Variants in COPG2 observed in about 807,000 individuals in gnomAD.
COPG2 encodes coat protein complex I subunit gamma 2.
A neutral mutation model predicts 46.3 loss-of-function variants in COPG2; 37 were observed. The ratio of observed to expected loss-of-function variants is 0.80; its 90% CI spans 0.61 to 1.05. COPG2 has a LOEUF of 1.05. COPG2 is among the 50% of genes least tolerant of loss of function. The pLI is 0.00. For synonymous variants in COPG2, 159 were observed against 129.7 expected (o/e 1.23, Z -1.53); for missense variants, 427 against 387.8 (o/e 1.10, Z -0.85).
rs1334458609 is a variant in COPG2 at position 130,506,483 on chromosome 7, A to C, written c.*193T>G. The C allele has an allele frequency of 2.5e-6, 1 of 392,268 alleles. No homozygotes were observed. Among genetic ancestry groups the C allele is most frequent in the African/African-American group, 2.2e-5 (1 of 45,818 alleles). The allele number at this position is 392,268 out of a possible 1,614,324, so 24.3% of individuals were successfully genotyped here. Reference sequence around the variant, plus strand: ...CCCAAAGCTGACCAAGTAGAATAAAAAGAAAAAAAAAAAAAAACAACCCAT... The same window carrying C: ...CCCAAAGCTGACCAAGTAGAATAAACAGAAAAAAAAAAAAAAACAACCCAT... On this transcript the variant is annotated 3_prime_UTR_variant, in exon 24 of 24. Transcript: ENST00000425248.
At chr7:130,523,139 G>T (rs1253822769) in intron 20 of COPG2, among the ~76,000 whole-genome samples, 1 of 19,910 alleles carries the variant, frequency 5.0e-5, no homozygotes. Flanking sequence ...AAAAAAGAAG[G>T]CTCCAGGCCT....
chr7:130,631,319 G>GT (rs1795226894), intron 5 of COPG2, among the ~76,000 whole-genome samples: 1 of 151,752 alleles, frequency 6.6e-6, no homozygotes, highest in African/African-American at 2.4e-5. Context: ...CATCACACCT[G>GT]GCTAATTTTT....
chr7:130,611,799 C>T (rs1794854354), intron 8 of COPG2, among the ~76,000 whole-genome samples: 1 of 152,118 alleles, frequency 6.6e-6, no homozygotes, highest in Non-Finnish European at 1.5e-5. Context: ...AAAAGCTGCT[C>T]CGTATGATTT....
Position 130,611,715 on chromosome 7 carries a change from A to G in COPG2, c.579+437T>C, listed in dbSNP as rs986691654. 4.0e-4 allele frequency among the ~76,000 whole-genome samples: 61 copies of G among 152,344 alleles called. 1 individual carries two copies. Among genetic ancestry groups the G allele is most frequent in the African/African-American group, 1.4e-3 (57 of 41,580 alleles). ...AATTTCCAGTGAAGAATTTAATCTT[A>G]TTCCTCTTAAGAATAACCTAATAAA... On this transcript the variant is annotated intron_variant, in intron 8 of 23. Transcript: ENST00000425248.
chr7:130,654,010 C>CA (rs1193686171), intron 4 of COPG2, among the ~76,000 whole-genome samples: 2 of 143,966 alleles, frequency 1.4e-5, no homozygotes. Flanking sequence ...ACTAGAGATA[C>CA]GAAAAAAATT....
At chr7:130,627,595 T>C (rs1554454437) in intron 5 of COPG2, among the ~76,000 whole-genome samples, 2 of 152,270 alleles carry the variant, frequency 1.3e-5, no homozygotes, top group East Asian at 1.9e-4. Context: ...ACACCCATCT[T>C]GGGCAATTCT....
intron 20 of COPG2, chr7:130,509,211 G>A (rs374561321): frequency 2.7e-5 from 13 of 481,938 alleles, no homozygotes; most frequent in African/African-American, 2.6e-4. Flanking sequence ...GGTCAGTAAT[G>A]AGTTTCTAGT....
chr7:130,571,840 T>G (rs1793907217), intron 9 of COPG2, among the ~76,000 whole-genome samples: 1 of 150,552 alleles, frequency 6.6e-6, no homozygotes, highest in South Asian at 2.1e-4. Context: ...GCGCCCTCTC[T>G]CTCTCTATAT....
chr7:130,655,005 C>A (rs979931715), intron 4 of COPG2, among the ~76,000 whole-genome samples: 1 of 152,034 alleles, frequency 6.6e-6, no homozygotes, highest in Non-Finnish European at 1.5e-5. Flanking sequence ...TTCTTTACAA[C>A]TTAAGCATAT....
chr7:130,659,954 A>G (rs1359929915), intron 4 of COPG2, among the ~76,000 whole-genome samples: 2 of 152,228 alleles, frequency 1.3e-5, no homozygotes, highest in African/African-American at 4.8e-5. Context: ...ATATTTTAAG[A>G]CACACAAAAA....
At chr7:130,659,433 T>G (rs1405908737) in intron 4 of COPG2, among the ~76,000 whole-genome samples, 1 of 151,194 alleles carries the variant, frequency 6.6e-6, no homozygotes, top group Non-Finnish European at 1.5e-5. Context: ...AGTCTCACTG[T>G]GTACATAAAC....
rs144401893 is a variant in COPG2 at position 130,602,211 on chromosome 7, C to T, written c.737+8742G>A. On this transcript the variant is annotated intron_variant, in intron 9 of 23. Transcript: ENST00000425248. ...ACATACAGTTACACTTACTTCTAAC[C>T]GATTTCTTTCCTGTTGTCTATTTGA... is the stretch of plus-strand genomic sequence containing the variant. Among the ~76,000 whole-genome samples the T allele has an allele frequency of 1.6e-3, 245 of 152,226 alleles. 2 individuals carry two copies. The highest frequency in any genetic ancestry group is 4.4e-4 in the Non-Finnish European group (30 of 68,030).
rs1267889497 is a variant in COPG2 at position 130,613,720 on chromosome 7, A to G, written c.400-84T>C. 1.9e-5 allele frequency: 16 copies of G among 854,684 alleles called. No individual in the cohort carries two copies. The East Asian group carries it at 4.3e-4, about 23-fold the overall frequency. 52.9% of individuals were successfully genotyped at this position (854,684 alleles called of 1,614,324 possible). A position where few individuals can be genotyped will look rare whatever the true frequency, so the allele number is the denominator to read the frequency against. On this transcript the variant is annotated intron_variant, in intron 6 of 23. Coordinates refer to ENST00000425248, the MANE Select transcript of COPG2 (RefSeq NM_012133.6). The stretch of plus-strand genomic sequence containing the variant: ...CTTATGCTTCAAAATAATTTTCAAA[A>G]ACCAATCTTATATTTGTTTCTGTGC...
In COPG2 at chr7:130,624,388, G is replaced by A. The variant is rs148603452; in HGVS notation, c.324-7323C>T. 9.5e-3 allele frequency among the ~76,000 whole-genome samples: 1,446 copies of A among 152,196 alleles called. 11 individuals carry two copies. The highest frequency in any genetic ancestry group is 0.012 in the Non-Finnish European group (844 of 68,000). ...TTCTATCTACTATTATGTCCTCTAT[G>A]TGCTGTTTCTATGAAGACTATTGAT... On this transcript the variant is annotated intron_variant, in intron 5 of 23. Coordinates refer to ENST00000425248, the MANE Select transcript of COPG2 (RefSeq NM_012133.6).
At chr7:130,578,662 T>C (rs1298679266) in intron 9 of COPG2, among the ~76,000 whole-genome samples, 11 of 151,998 alleles carry the variant, frequency 7.2e-5, no homozygotes. Context: ...AAGGAGGTGA[T>C]GGAGCTGAAA....
At chr7:130,549,984 A>C (rs1209598227) in intron 17 of COPG2, among the ~76,000 whole-genome samples, 2 of 152,212 alleles carry the variant, frequency 1.3e-5, no homozygotes, top group African/African-American at 4.8e-5. Flanking sequence ...AACTGACTTC[A>C]GATACTGTAA....
intron 4 of COPG2, among the ~76,000 whole-genome samples, chr7:130,661,908 G>T (rs1450492398): frequency 1.3e-5 from 2 of 152,112 alleles, no homozygotes; most frequent in Non-Finnish European, 2.9e-5. Flanking sequence ...GTGGCTACAG[G>T]GCTGAGACTT....
chr7:130,665,714 T>C (rs1409184800), intron 3 of COPG2, among the ~76,000 whole-genome samples: 2 of 152,026 alleles, frequency 1.3e-5, no homozygotes, highest in South Asian at 2.1e-4. Flanking sequence ...CTATGGACTT[T>C]AGTATCCAAT....
rs60484682 is a variant in COPG2 at position 130,626,400 on chromosome 7, A to AT, written c.324-9336dup. 5.0e-3 allele frequency among the ~76,000 whole-genome samples: 599 copies of AT among 119,820 alleles called. 6 individuals carry two copies. The highest frequency in any genetic ancestry group is 0.017 in the African/African-American group (524 of 30,858). The allele number at this position is 119,820 out of a possible 152,430, so 78.6% of individuals were successfully genotyped here. A position where few individuals can be genotyped will look rare whatever the true frequency, so the allele number is the denominator to read the frequency against. On this transcript the variant is annotated intron_variant, in intron 5 of 23. Transcript: ENST00000425248. ...GAGTGCCTGCCACCACACCAGGCTAATTTTTTTTTTTTTTTTTTTTTCTAT... is the reference window on the plus strand; with the variant it reads ...GAGTGCCTGCCACCACACCAGGCTAATTTTTTTTTTTTTTTTTTTTTTCTAT...
Sources: allele counts gnomAD v4.1 joint callset (sites outside exome capture counted in the v4.1 genomes callset), GRCh38; gene constraint gnomAD v4.1.1; transcripts MANE v1.5; gene names NCBI Gene and HGNC (gene_info 2026-07-23, HGNC 2026-07-21).